SYCP1: variants seen among roughly 807,000 people sequenced by gnomAD.
The protein encoded by SYCP1 is cancer/testis antigen 8.
Under a neutral mutation model 153.1 loss-of-function variants are expected in SYCP1, and 64 were observed. The ratio of observed to expected loss-of-function variants is 0.42; its 90% CI spans 0.34 to 0.51. SYCP1 has a LOEUF of 0.51. Ranked by LOEUF, SYCP1 falls within the 20% of genes least tolerant of loss-of-function variation. The probability of loss-of-function intolerance (pLI) is 0.06; values close to 1 mark genes in which losing one functional copy is unlikely to be tolerated. For synonymous variants in SYCP1, 384 were observed against 341.8 expected, an observed-to-expected ratio of 1.12 and a Z score of -1.36; for missense variants, 997 against 1,049.0, an observed-to-expected ratio of 0.95 and a Z score of 0.68.
rs919404121 is a variant in SYCP1 at position 114,926,644 on chromosome 1, A to G, written c.1926+81A>G. On this transcript the variant is annotated intron_variant, in intron 23 of 31. Coordinates refer to ENST00000369522, the MANE Select transcript of SYCP1 (RefSeq NM_003176.4). ...GACATTTTATTCCACTTGTTTATAC[A>G]GTATAAATTCAATTTATACCATAAC... The G allele has an allele frequency of 1.3e-5, 16 of 1,214,378 alleles. No homozygotes were observed. The African/African-American group carries it at 1.9e-4, about 14-fold the overall frequency. 75.2% of individuals were successfully genotyped at this position (1,214,378 alleles called of 1,614,324 possible).
At chr1:114,860,623 TATA>T (rs1404480521) in intron 7 of SYCP1, 110 bp from the exon 8 acceptor site, 10 of 676,536 alleles carry the variant, frequency 1.5e-5, no homozygotes, top group South Asian at 2.2e-5. Flanking sequence ...TGCCAAAGAT[TATA>T]ATATTTTAAA....
In SYCP1 at chr1:114,886,251, A is replaced by G; in HGVS notation, c.1132A>G (p.Thr378Ala). 6.2e-7 allele frequency: 1 copy of G among 1,607,614 alleles called. No homozygotes were observed. Among genetic ancestry groups the G allele is most frequent in the Admixed American group, 1.7e-5 (1 of 59,112 alleles). ...TAGAGCTGCTCATTCGTTTGTGGTT[A>G]CTGAATTTGAAACTACTGTCTGCAG... is the stretch of plus-strand genomic sequence containing the variant. The part of the protein sequence containing the change: ...KARAAHSFVV[T>A]EFETTVCSLE... Residue 378 changes from threonine to alanine, a missense_variant, in exon 14 of 32, where the codon ACT (threonine) becomes GCT (alanine). This residue lies in a region of SYCP1 where 712 missense variants were observed against 682.9 expected (regional missense o/e 1.04). Coordinates refer to ENST00000369522, the MANE Select transcript of SYCP1 (RefSeq NM_003176.4).
chr1:114,904,104 T>C (rs1667655104), intron 16 of SYCP1, among the ~76,000 whole-genome samples: 1 of 151,912 alleles, frequency 6.6e-6, no homozygotes, highest in African/African-American at 2.4e-5. Flanking sequence ...ATTTTATAAT[T>C]AGCTTTTCTT....
At chr1:114,948,553 T>C (rs1391413274) in intron 27 of SYCP1, among the ~76,000 whole-genome samples, 1 of 152,198 alleles carries the variant, frequency 6.6e-6, no homozygotes, top group Non-Finnish European at 1.5e-5. Context: ...TCTTGGAAAA[T>C]CTCACACATC....
chr1:114,923,664 A>C, intron 21 of SYCP1, 134 bp downstream of exon 21: 3 of 853,100 alleles, frequency 3.5e-6, no homozygotes, highest in Non-Finnish European at 4.8e-6. Flanking sequence ...ATCAGCCATC[A>C]ACCTTAAATA....
intron 23 of SYCP1, among the ~76,000 whole-genome samples, chr1:114,932,958 C>T (rs1461998223): frequency 6.6e-6 from 1 of 152,230 alleles, no homozygotes; most frequent in Non-Finnish European, 1.5e-5. Context: ...CTGTAGACTC[C>T]ACCTCTGGGG....
Position 114,857,473 on chromosome 1 carries a change from A to G in SYCP1, c.267A>G (p.Glu89=). ...GTAATTCTGACTGTCACTATCAGGA[A>G]GGACTAAAAGACTCTGATTTGGAGG... ...QVGNSDCHYQ[E]GLKDSDLENS... The change falls in exon 5 of 32, where the codon GAA becomes GAG. Residue 89 remains glutamate (E), a synonymous_variant. Transcript: ENST00000369522. 6.2e-7 allele frequency: 1 copy of G among 1,600,380 alleles called. No homozygotes were observed. Among genetic ancestry groups the G allele is most frequent in the Non-Finnish European group, 8.5e-7 (1 of 1,173,338 alleles).
intron 18 of SYCP1, among the ~76,000 whole-genome samples, 155 bp from the exon 19 acceptor site, chr1:114,912,878 C>T (rs539213508): frequency 1.1e-3 from 163 of 152,024 alleles, no homozygotes; most frequent in Non-Finnish European, 2.1e-3. Flanking sequence ...CAACCTATCA[C>T]CCAGCTTCAG....
chr1:114,982,603 G>A lies in SYCP1; in HGVS notation c.2559+1091G>A, dbSNP rs577271008. On this transcript the variant is annotated intron_variant, in intron 29 of 31. Coordinates refer to ENST00000369522, the MANE Select transcript of SYCP1 (RefSeq NM_003176.4). ...TCTTTTTATTGATATTCCATTTAGT[G>A]AGATGTTGTTTTCATGCTTTTCTTC... Among the ~76,000 whole-genome samples, 4 of 151,780 alleles carry A rather than the reference G, an allele frequency of 2.6e-5. No individual in the cohort carries two copies. In the South Asian group the frequency reaches 8.3e-4, roughly 32 times the overall value.
chr1:114,861,737 GTTGGGTATTTTATTATTA>G (rs1664387749), intron 8 of SYCP1, among the ~76,000 whole-genome samples: 1 of 150,634 alleles, frequency 6.6e-6, no homozygotes, highest in Non-Finnish European at 1.5e-5. Flanking sequence ...CTCAATAAAT[GTTGGGTATTTTATTATTA>G]TTATTGTCGT....
chr1:114,914,179 G>A lies in SYCP1; in HGVS notation c.1718+134G>A, dbSNP rs993715020. On this transcript the variant is annotated intron_variant, in intron 20 of 31. Coordinates refer to ENST00000369522, the MANE Select transcript of SYCP1 (RefSeq NM_003176.4). ...AAGTAAAAATTAGATATAAATCACT[G>A]TTGTGGAATCCTGCTTAAAAATAAA... The A allele has an allele frequency of 4.9e-6, 3 of 613,700 alleles. No homozygotes were observed. In the African/African-American group the frequency reaches 5.8e-5, roughly 12 times the overall value. The allele number at this position is 613,700 out of a possible 1,614,324, so 38.0% of individuals were successfully genotyped here.
intron 21 of SYCP1, among the ~76,000 whole-genome samples, chr1:114,924,289 T>C (rs957155390): frequency 6.6e-6 from 1 of 152,200 alleles, no homozygotes; most frequent in Admixed American, 6.5e-5. Context: ...CAGTTCACAC[T>C]TATTCCTGAG....
At chr1:114,924,740 GTGAGGAAAGA>G (rs1341878850) in intron 21 of SYCP1, among the ~76,000 whole-genome samples, 1 of 152,096 alleles carries the variant, frequency 6.6e-6, no homozygotes, top group Admixed American at 6.6e-5. Flanking sequence ...AGAGGGCAGA[GTGAGGAAAGA>G]TGAGGGTAGG....
chr1:114,916,897 A>G (rs1421183349), intron 20 of SYCP1, among the ~76,000 whole-genome samples: 2 of 152,008 alleles, frequency 1.3e-5, no homozygotes, highest in Non-Finnish European at 2.9e-5. Flanking sequence ...ATATATAAGT[A>G]TGGGGTATAT....
At chr1:114,991,525 A>G (rs1188137208) in intron 30 of SYCP1, among the ~76,000 whole-genome samples, 1 of 151,898 alleles carries the variant, frequency 6.6e-6, no homozygotes, top group Non-Finnish European at 1.5e-5. Flanking sequence ...AGTGTAATAA[A>G]CCACATTAAT....
chr1:114,989,377 A>G (rs935158454), intron 30 of SYCP1, among the ~76,000 whole-genome samples: 77 of 150,754 alleles, frequency 5.1e-4, no homozygotes, highest in Non-Finnish European at 2.4e-4. Flanking sequence ...TGGAATCAGA[A>G]TGTTCAAGTA....
At chr1:114,935,195 G>A (rs1414471099) in intron 23 of SYCP1, among the ~76,000 whole-genome samples, 4 of 152,014 alleles carry the variant, frequency 2.6e-5, no homozygotes, top group South Asian at 4.1e-4. Flanking sequence ...AACAGAAATT[G>A]TAACAAATTG....
intron 12 of SYCP1, among the ~76,000 whole-genome samples, chr1:114,878,927 G>T (rs955396401): frequency 5.9e-5 from 9 of 152,166 alleles, no homozygotes; most frequent in African/African-American, 2.2e-4. Flanking sequence ...CTTTAGAAAG[G>T]CATTAGGGAA....
chr1:114,897,411 C>A (rs531943184), intron 16 of SYCP1, among the ~76,000 whole-genome samples: 2 of 152,146 alleles, frequency 1.3e-5, no homozygotes, highest in Admixed American at 6.5e-5. Flanking sequence ...AAGGACAGCT[C>A]AAAAATCCCA....
Sources: gnomAD v4.1 joint callset for allele counts (sites outside exome capture counted in the v4.1 genomes callset) on GRCh38, gnomAD v4.1.1 for gene constraint, gnomAD v4.1.1 regional missense constraint, MANE v1.5 for transcripts, NCBI Gene and HGNC (gene_info 2026-07-23, HGNC 2026-07-21) for gene names.